The following SFXN2 variants were observed in gnomAD, a reference collection of about 807,000 sequenced individuals.
The protein encoded by SFXN2 is sideroflexin 2, also known as sideroflexin-2.
In SFXN2, 37 loss-of-function variants were observed where a neutral mutation model predicts 41.9. The ratio of observed to expected loss-of-function variants is 0.88; its 90% CI spans 0.68 to 1.16. SFXN2 has a LOEUF of 1.16. Among genes scored for constraint, SFXN2 ranks in the 50% most tolerant of loss-of-function variants. The probability of loss-of-function intolerance (pLI) is 0.00; values close to 1 mark genes in which losing one functional copy is unlikely to be tolerated. For missense variants in SFXN2, 386 were observed against 425.2 expected (o/e 0.91, Z 0.81); for synonymous variants, 150 against 156.7 (o/e 0.96, Z 0.32).
intron 1 of SFXN2, among the ~76,000 whole-genome samples, chr10:102,722,050 G>T (rs145849573): frequency 0.012 from 1,832 of 152,186 alleles, 31 homozygotes; most frequent in African/African-American, 0.041. Context: ...CCTGCATCCC[G>T]TGAGGTCCAT....
rs891906156 is a variant in SFXN2, at chr10:102,727,108, C to T, written c.283C>T (p.Gln95Ter). 6.2e-7 allele frequency: 1 copy of T among 1,607,902 alleles called. No homozygotes were observed. Among genetic ancestry groups the T allele is most frequent in the South Asian group, 1.1e-5 (1 of 90,978 alleles). Residue 95 changes from glutamine (Q) to a stop codon, truncating the protein, a stop_gained, in exon 3 of 12, where the codon CAG becomes TAG. Transcript: ENST00000369893. LOFTEE classifies it high-confidence loss of function. The stretch of plus-strand genomic sequence containing the variant: ...GAATGTCATCGGGCGCATGTCTTTC[C>T]AGCTTCCTGGCGGCATGATCATCAC... The part of the protein sequence containing the change: ...KMNVIGRMSF[Q>*]LPGGMIITGF...
At chr10:102,726,570 C>T (rs768466707) in intron 1 of SFXN2, 42 bp from the exon 2 acceptor site, 1 of 1,589,126 alleles carries the variant, frequency 6.3e-7, no homozygotes, top group Non-Finnish European at 8.6e-7. Flanking sequence ...CTGTGGTGGG[C>T]TTTGATTTAG....
chr10:102,722,565 C>T (rs1173280908), intron 1 of SFXN2, among the ~76,000 whole-genome samples: 1 of 152,158 alleles, frequency 6.6e-6, no homozygotes, highest in Non-Finnish European at 1.5e-5. Flanking sequence ...GACAGGGTCT[C>T]ACTCTGTCGT....
In SFXN2 at chr10:102,734,812, C is replaced by T. The variant is rs111930640; in HGVS notation, c.822-1050C>T. On this transcript the variant is annotated intron_variant, in intron 10 of 11. Coordinates refer to ENST00000369893, the MANE Select transcript of SFXN2 (RefSeq NM_178858.6). The surrounding 1 kb of genome is among the most constrained non-coding windows in gnomAD (Gnocchi z 4.1). The stretch of plus-strand genomic sequence containing the variant: ...ACCCAGGTCTGTCAGAGTCCCGCGT[C>T]CTGTAAGACCTTGCCTCCCAAACCC... 0.013 allele frequency among the ~76,000 whole-genome samples: 1,950 copies of T among 152,262 alleles called. 12 individuals are homozygous for T. The highest frequency in any genetic ancestry group is 0.027 in the Middle Eastern group (8 of 294).
intron 11 of SFXN2, among the ~76,000 whole-genome samples, chr10:102,736,423 ATTTTTTTT>A (rs35797507): frequency 8.0e-6 from 1 of 124,784 alleles, no homozygotes; most frequent in Admixed American, 8.1e-5. Flanking sequence ...TGCCCAGCTC[ATTTTTTTT>A]TTTTTTTTTG....
chr10:102,731,062 T>G (rs947857344), intron 6 of SFXN2, among the ~76,000 whole-genome samples: 1 of 151,558 alleles, frequency 6.6e-6, no homozygotes, highest in Non-Finnish European at 1.5e-5. Flanking sequence ...CACTCCAGCC[T>G]GGGTGACAGA....
At chr10:102,722,624 T>A (rs2064524306) in intron 1 of SFXN2, among the ~76,000 whole-genome samples, 1 of 152,104 alleles carries the variant, frequency 6.6e-6, no homozygotes, top group Non-Finnish European at 1.5e-5. Flanking sequence ...AGGCTTAGCC[T>A]TAGCCTCCCA....
chr10:102,742,304 C>A lies in SFXN2; in HGVS notation c.*4542C>A, dbSNP rs1842796140. On this transcript the variant is annotated 3_prime_UTR_variant, in exon 12 of 12. Coordinates refer to ENST00000369893, the MANE Select transcript of SFXN2 (RefSeq NM_178858.6). The stretch of plus-strand genomic sequence containing the variant: ...GCTTTAGCCTCCTGAGTAGCTGGGA[C>A]TACAGGCATGCACCACCACGCCTGG... The A allele has an allele frequency of 6.6e-6, 1 of 152,128 alleles. No individual in the cohort carries two copies. 9.4% of individuals were successfully genotyped at this position (152,128 alleles called of 1,614,324 possible). A position where few individuals can be genotyped will look rare whatever the true frequency, so the allele number is the denominator to read the frequency against.
At chr10:102,732,753 C>A in intron 8 of SFXN2, 106 bp from the exon 9 acceptor site, 1 of 1,147,726 alleles carries the variant, frequency 8.7e-7, no homozygotes, top group Non-Finnish European at 1.3e-6. Context: ...TTTTCTGGAG[C>A]TTCTGCTGAA....
chr10:102,726,541 TG>T (rs1204139134), intron 1 of SFXN2, 70 bp from the exon 2 acceptor site: 1 of 1,477,280 alleles, frequency 6.8e-7, no homozygotes, highest in African/African-American at 1.4e-5. Context: ...TCTGCAACAG[TG>T]GGACGTGCTC....
In SFXN2 at chr10:102,726,615, C is replaced by T; in HGVS notation, c.-22C>T. 1 of 1,613,714 alleles carries T rather than the reference C, an allele frequency of 6.2e-7. No homozygotes were observed. The highest frequency in any genetic ancestry group is 8.5e-7 in the Non-Finnish European group (1 of 1,179,782). On this transcript the variant is annotated 5_prime_UTR_variant, in exon 2 of 12. Transcript: ENST00000369893. The stretch of plus-strand genomic sequence containing the variant: ...ATCTTCTTCCTTTGTCCCTTAGGTC[C>T]ACAGTTTTATGTGTGAGCAAGATGG...
chr10:102,723,320 C>T (rs527822414), intron 1 of SFXN2, among the ~76,000 whole-genome samples: 4 of 150,702 alleles, frequency 2.7e-5, no homozygotes, highest in East Asian at 3.9e-4. Context: ...GGCGTGATCT[C>T]GGCTCACTGC....
rs1376342784 is a variant in SFXN2 at position 102,742,398 on chromosome 10, T to G, written c.*4636T>G. ...GGCCAGGCTCGAACTCCTGACCATG[T>G]GATCCGCCCACCTCGGCCTCCCAAA... On this transcript the variant is annotated 3_prime_UTR_variant, in exon 12 of 12. Transcript: ENST00000369893. 6.6e-6 allele frequency: 1 copy of G among 152,028 alleles called. No homozygotes were observed. The highest frequency in any genetic ancestry group is 1.5e-5 in the Non-Finnish European group (1 of 68,102). The allele number at this position is 152,028 out of a possible 1,614,324, so 9.4% of individuals were successfully genotyped here.
intron 1 of SFXN2, chr10:102,717,897 C>A: frequency 4.8e-6 from 3 of 629,046 alleles, no homozygotes; most frequent in Non-Finnish European, 5.9e-6. Flanking sequence ...TTACACAAAT[C>A]ACAGTCAATG....
chr10:102,737,655 CTT>C lies in SFXN2; in HGVS notation c.870-5_870-4del. 6.3e-7 allele frequency: 1 copy of C among 1,598,744 alleles called. No individual in the cohort carries two copies. The highest frequency in any genetic ancestry group is 8.6e-7 in the Non-Finnish European group (1 of 1,166,322). The stretch of plus-strand genomic sequence containing the variant: ...TGGCATGCTCATAATCCACTTCTCT[CTT>C]TTCAGTGAATTGCCAGTTTCCTATC... On this transcript the variant is annotated splice_region_variant and splice_polypyrimidine_tract_variant and intron_variant, in intron 11 of 11. Coordinates refer to ENST00000369893, the MANE Select transcript of SFXN2 (RefSeq NM_178858.6).
chr10:102,726,971 T>C lies in SFXN2; in HGVS notation c.162-16T>C, dbSNP rs769226249. ...ATCAGGCAGGATGGTGACTGCCTGC[T>C]GTCCTTGGGTGGCAGGATGGGGGTT... On this transcript the variant is annotated splice_polypyrimidine_tract_variant and intron_variant, in intron 2 of 11. Coordinates refer to ENST00000369893, the MANE Select transcript of SFXN2 (RefSeq NM_178858.6). 11 of 1,590,740 alleles carry C rather than the reference T, an allele frequency of 6.9e-6. No individual in the cohort carries two copies. The South Asian group carries it at 1.2e-4, about 18-fold the overall frequency.
Position 102,726,752 on chromosome 10 carries a change from C to T in SFXN2, c.116C>T (p.Ser39Phe). ...ACGGACCCCCGCACTGTCTTTGTAT[C>T]TGAGCGGGAGCTGGACTGGGCCAAG... ...NITDPRTVFV[S>F]ERELDWAKVM... The change falls in exon 2 of 12, where the codon TCT (serine) becomes TTT (phenylalanine). Residue 39 changes from serine to phenylalanine, a missense_variant. Coordinates refer to ENST00000369893, the MANE Select transcript of SFXN2 (RefSeq NM_178858.6). The T allele has an allele frequency of 6.2e-7, 1 of 1,614,132 alleles. No homozygotes were observed. The highest frequency in any genetic ancestry group is 8.5e-7 in the Non-Finnish European group (1 of 1,180,022).
intron 1 of SFXN2, among the ~76,000 whole-genome samples, chr10:102,716,002 GAA>G (rs977860975): frequency 2.6e-5 from 4 of 151,844 alleles, no homozygotes; most frequent in African/African-American, 9.7e-5. Context: ...TCCTTGGAGA[GAA>G]AAAGCAGTTC....
At chr10:102,729,576 A>G in intron 5 of SFXN2, 147 bp from the exon 6 acceptor site, 1 of 1,119,214 alleles carries the variant, frequency 8.9e-7, no homozygotes, top group Non-Finnish European at 1.3e-6. Context: ...TGGGCCTTTG[A>G]GGGAGTTTGG....
Sources: allele counts gnomAD v4.1 joint callset (sites outside exome capture counted in the v4.1 genomes callset), GRCh38; gene constraint gnomAD v4.1.1; non-coding constraint Gnocchi (gnomAD v3.1); transcripts MANE v1.5; gene names NCBI Gene and HGNC (gene_info 2026-07-23, HGNC 2026-07-21).